Variants in MIPOL1 observed in about 807,000 individuals in gnomAD.
MIPOL1 encodes the protein mirror-image polydactyly gene 1 protein.
A neutral mutation model predicts 60.9 loss-of-function variants in MIPOL1; 57 were observed. That is an observed-to-expected ratio of 0.94 (90% CI 0.76 to 1.17). The LOEUF (loss-of-function observed/expected upper bound fraction) is 1.17, where lower values mean the gene tolerates loss of function less well. Among genes scored for constraint, MIPOL1 ranks in the 50% most tolerant of loss-of-function variants. The probability of loss-of-function intolerance (pLI) is 0.00; values close to 1 mark genes in which losing one functional copy is unlikely to be tolerated. For synonymous variants in MIPOL1, 179 were observed against 168.8 expected (o/e 1.06, Z -0.47); for missense variants, 551 against 511.6 (o/e 1.08, Z -0.74).
At chr14:37,292,136 A>G (rs2085127722) in intron 7 of MIPOL1, among the ~76,000 whole-genome samples, 1 of 151,798 alleles carries the variant, frequency 6.6e-6, no homozygotes, top group Non-Finnish European at 1.5e-5. Context: ...TGTATTAGCC[A>G]GGATGGTCTC....
At chr14:37,413,176 T>C (rs1360307590) in intron 10 of MIPOL1, among the ~76,000 whole-genome samples, 1 of 152,098 alleles carries the variant, frequency 6.6e-6, no homozygotes, top group African/African-American at 2.4e-5. Flanking sequence ...CGTGCATATG[T>C]GTGTAGTTAC....
intron 9 of MIPOL1, among the ~76,000 whole-genome samples, chr14:37,343,006 A>T (rs2090687588): frequency 6.7e-6 from 1 of 149,914 alleles, no homozygotes; most frequent in South Asian, 2.1e-4. Context: ...ATTTATATAT[A>T]TGTATAAATA....
At chr14:37,455,595 T>G (rs2094468164) in intron 11 of MIPOL1, among the ~76,000 whole-genome samples, 1 of 151,956 alleles carries the variant, frequency 6.6e-6, no homozygotes, top group Non-Finnish European at 1.5e-5. Flanking sequence ...GCCTCATGCT[T>G]TTTTTCAGGA....
At chr14:37,507,458 G>C (rs1155456) in intron 12 of MIPOL1, 117,378 of 152,122 alleles carry the variant, frequency 0.77, 45,811 homozygotes, top group African/African-American at 0.89. Flanking sequence ...TTTGCAGGGA[G>C]ATCAGTGAAG....
chr14:37,497,471 T>A (rs1253450167), intron 11 of MIPOL1, among the ~76,000 whole-genome samples: 1 of 152,142 alleles, frequency 6.6e-6, no homozygotes, highest in East Asian at 1.9e-4. Context: ...TTTAAACAGT[T>A]TACAAAAAGC....
intron 7 of MIPOL1, among the ~76,000 whole-genome samples, chr14:37,305,020 T>G (rs538847697): frequency 1.3e-5 from 2 of 151,896 alleles, no homozygotes; most frequent in East Asian, 3.9e-4. Flanking sequence ...CAGTAAAGTA[T>G]TATGTGTTGT....
intron 9 of MIPOL1, among the ~76,000 whole-genome samples, chr14:37,366,181 G>A (rs2054715324): frequency 6.7e-6 from 1 of 149,152 alleles, no homozygotes; most frequent in Admixed American, 6.7e-5. Context: ...GATCTTTATT[G>A]TTTCTTCTAC....
At chr14:37,453,428 A>C (rs2094444208) in intron 11 of MIPOL1, among the ~76,000 whole-genome samples, 3 of 152,146 alleles carry the variant, frequency 2.0e-5, no homozygotes, top group South Asian at 4.1e-4. Flanking sequence ...TAAAATTTTA[A>C]GGGTGAAAAA....
chr14:37,269,262 T>C (rs999216473), intron 5 of MIPOL1, among the ~76,000 whole-genome samples: 2 of 152,210 alleles, frequency 1.3e-5, no homozygotes, highest in Non-Finnish European at 2.9e-5. Context: ...AATCTTATAC[T>C]GCTGCATTTT....
At chr14:37,305,179 C>CT (rs958054472) in intron 7 of MIPOL1, among the ~76,000 whole-genome samples, 7 of 151,784 alleles carry the variant, frequency 4.6e-5, no homozygotes, top group Non-Finnish European at 1.0e-4. Context: ...ATGTGATATA[C>CT]TTACTGTAGA....
At chr14:37,207,548 A>ATTG (rs1423675021) in intron 1 of MIPOL1, among the ~76,000 whole-genome samples, 2 of 151,618 alleles carry the variant, frequency 1.3e-5, no homozygotes, top group Non-Finnish European at 2.9e-5. Context: ...TATTATTATT[A>ATTG]TTATTATTAT....
intron 11 of MIPOL1, among the ~76,000 whole-genome samples, chr14:37,429,164 A>G (rs959761391): frequency 6.6e-6 from 1 of 152,168 alleles, no homozygotes; most frequent in African/African-American, 2.4e-5. Flanking sequence ...CTGTTGTTAT[A>G]AACCTGTAGT....
chr14:37,541,819 C>G (rs1318752740), intron 12 of MIPOL1, among the ~76,000 whole-genome samples: 1 of 152,180 alleles, frequency 6.6e-6, no homozygotes, highest in Non-Finnish European at 1.5e-5. Flanking sequence ...AAGGATAATC[C>G]TACAAGTTAT....
chr14:37,507,326 T>C lies in MIPOL1; in HGVS notation c.1262+7188T>C, dbSNP rs185690862. On this transcript the variant is annotated intron_variant, in intron 12 of 12. Transcript: ENST00000684589. ...CACACATATGCTTATTGCGGCACTA[T>C]TCACAATAGGAAACACTTGGAACCA... 1.3e-5 allele frequency: 2 copies of C among 152,316 alleles called. 1 individual carries two copies. The highest frequency in any genetic ancestry group is 1.3e-4 in the Admixed American group (2 of 15,292). 9.4% of individuals were successfully genotyped at this position (152,316 alleles called of 1,614,324 possible).
intron 11 of MIPOL1, among the ~76,000 whole-genome samples, chr14:37,453,303 C>T (rs1350028860): frequency 6.6e-6 from 1 of 151,946 alleles, no homozygotes; most frequent in African/African-American, 2.4e-5. Flanking sequence ...AAAAGTGAAA[C>T]AGGGAGGCGC....
intron 10 of MIPOL1, among the ~76,000 whole-genome samples, chr14:37,378,470 G>A (rs1197800492): frequency 2.0e-5 from 3 of 151,992 alleles, no homozygotes; most frequent in Non-Finnish European, 4.4e-5. Context: ...CAAAATTATA[G>A]TGATAGAGAA....
intron 9 of MIPOL1, among the ~76,000 whole-genome samples, chr14:37,339,793 C>T (rs2090437852): frequency 6.6e-6 from 1 of 152,004 alleles, no homozygotes; most frequent in Non-Finnish European, 1.5e-5. Flanking sequence ...ATGAAATAAC[C>T]CATGCTATTA....
chr14:37,258,003 G>A (rs544258191), intron 3 of MIPOL1, among the ~76,000 whole-genome samples: 1 of 152,142 alleles, frequency 6.6e-6, no homozygotes, highest in African/African-American at 2.4e-5. Context: ...CAGAATTTGG[G>A]TGTAATGGTT....
intron 10 of MIPOL1, among the ~76,000 whole-genome samples, chr14:37,387,292 CTA>C (rs947611592): frequency 1.8e-4 from 28 of 151,630 alleles, no homozygotes; most frequent in Admixed American, 1.3e-3. Context: ...ATAAAAATAA[CTA>C]TAATATATTA....
Sources: allele counts gnomAD v4.1 joint callset (sites outside exome capture counted in the v4.1 genomes callset), GRCh38; gene constraint gnomAD v4.1.1; transcripts MANE v1.5; gene names NCBI Gene and HGNC (gene_info 2026-07-23, HGNC 2026-07-21).